Variants in ATP2C1 observed in about 807,000 individuals in gnomAD.
ATP2C1 encodes calcium-transporting ATPase type 2C member 1.
ATP2C1 carries 31 observed loss-of-function variants against 120.5 expected under a neutral mutation model. The ratio of observed to expected loss-of-function variants is 0.26; its 90% confidence interval spans 0.19 to 0.35. The LOEUF is 0.35. Among genes scored for constraint, ATP2C1 ranks in the 10% least tolerant of loss-of-function variants. The probability of loss-of-function intolerance (pLI) is 1.00; values close to 1 mark genes in which losing one functional copy is unlikely to be tolerated. For synonymous variants in ATP2C1, 351 were observed against 358.7 expected (o/e 0.98, Z 0.24); for missense variants, 731 against 1,107.5 (o/e 0.66, Z 4.83).
intron 16 of ATP2C1, among the ~76,000 whole-genome samples, chr3:130,968,757 G>T (rs2061162793): frequency 2.0e-5 from 3 of 152,104 alleles, no homozygotes; most frequent in African/African-American, 7.2e-5. Context: ...ATATTTGGAA[G>T]ATATTTTTTG....
At chr3:130,890,333 TCTTA>T (rs1354482612), upstream of ATP2C1, among the ~76,000 whole-genome samples, 1 of 152,212 alleles carries the variant, frequency 6.6e-6, no homozygotes, top group Non-Finnish European at 1.5e-5. Context: ...CTTACCTCTT[TCTTA>T]TTTTCACATG....
intron 1 of ATP2C1, among the ~76,000 whole-genome samples, chr3:130,862,098 C>T (rs924723073): frequency 2.6e-5 from 4 of 151,162 alleles, no homozygotes; most frequent in South Asian, 2.1e-4. Context: ...CTCAGCCTCC[C>T]GAGTAGCTGG....
At chr3:130,996,528 T>A (rs1303600003) in intron 23 of ATP2C1, 152 bp from the exon 24 acceptor site, 1 of 666,078 alleles carries the variant, frequency 1.5e-6, no homozygotes, top group East Asian at 2.6e-5. Flanking sequence ...CTCTTAGCTT[T>A]AAAATGTCCA....
intron 17 of ATP2C1, among the ~76,000 whole-genome samples, chr3:130,970,731 T>C (rs1470732226): frequency 6.6e-6 from 1 of 152,134 alleles, no homozygotes; most frequent in Non-Finnish European, 1.5e-5. Context: ...CAGGAATGAC[T>C]AGTTGGTTAT....
At chr3:130,874,827 G>C (rs1403220497) in intron 1 of ATP2C1, among the ~76,000 whole-genome samples, 1 of 152,184 alleles carries the variant, frequency 6.6e-6, no homozygotes, top group Non-Finnish European at 1.5e-5. Flanking sequence ...TCAGACTGCT[G>C]CATCTAATCC....
intron 2 of ATP2C1, among the ~76,000 whole-genome samples, chr3:130,906,140 G>GT (rs1372079370): frequency 6.6e-6 from 1 of 151,940 alleles, no homozygotes; most frequent in Non-Finnish European, 1.5e-5. Flanking sequence ...TAATTCAGTG[G>GT]TTTTTAGTAT....
At chr3:130,926,547 T>C (rs2059214990) in intron 2 of ATP2C1, among the ~76,000 whole-genome samples, 1 of 152,256 alleles carries the variant, frequency 6.6e-6, no homozygotes. Context: ...TATAAATATG[T>C]AGACAAAACT....
Position 130,864,914 on chromosome 3 carries a change from C to G in ATP2C1, c.108+13986C>G, listed in dbSNP as rs1017360505. The stretch of plus-strand genomic sequence containing the variant: ...GTGGAAGGGAAATGTGGAGTCAGAG[C>G]CCCCATACAGAGTCCCTACTGGGGC... On this transcript the variant is annotated intron_variant, in intron 1 of 26. Coordinates refer to the ATP2C1 transcript ENST00000504381. Among the ~76,000 whole-genome samples, 3 of 152,112 alleles carry G rather than the reference C, an allele frequency of 2.0e-5. No homozygotes were observed. In the South Asian group the frequency reaches 6.2e-4, roughly 32 times the overall value.
intron 1 of ATP2C1, among the ~76,000 whole-genome samples, chr3:130,888,532 G>C (rs986869162): frequency 1.3e-5 from 2 of 152,144 alleles, no homozygotes; most frequent in African/African-American, 4.8e-5. Flanking sequence ...TTCCCCTCTG[G>C]CTAGGTCTGG....
At chr3:130,925,367 G>A (rs2059158912) in intron 2 of ATP2C1, among the ~76,000 whole-genome samples, 1 of 152,164 alleles carries the variant, frequency 6.6e-6, no homozygotes, top group Non-Finnish European at 1.5e-5. Flanking sequence ...CCACCCAGTC[G>A]AGCTACCAGG....
chr3:130,978,890 A>T (rs888792142), intron 18 of ATP2C1, among the ~76,000 whole-genome samples: 3 of 152,210 alleles, frequency 2.0e-5, no homozygotes, highest in African/African-American at 7.2e-5. Flanking sequence ...TTAAAGCCTA[A>T]CAAACCCATA....
intron 27 of ATP2C1, among the ~76,000 whole-genome samples, chr3:131,000,173 A>G (rs1375648920): frequency 2.0e-5 from 3 of 152,256 alleles, no homozygotes; most frequent in Non-Finnish European, 2.9e-5. Context: ...TATTAAATGT[A>G]TAATACAGTG....
At chr3:130,961,012 A>C (rs939806368) in intron 12 of ATP2C1, among the ~76,000 whole-genome samples, 1 of 152,188 alleles carries the variant, frequency 6.6e-6, no homozygotes, top group African/African-American at 2.4e-5. Flanking sequence ...AAAGTCAAAT[A>C]GATTACAAGG....
Position 130,953,933 on chromosome 3 carries a change from A to AAAG in ATP2C1, c.644_645insAAG (p.Asn215delinsLysSer). ...AATGGAGATCTTGCATCGAGAAGTA[A>AAAG]CATTGCCTTTATGGGAACACTGGTC... On this transcript the variant is annotated protein_altering_variant, in exon 9 of 28. Transcript: ENST00000510168. 6.2e-7 allele frequency: 1 copy of AAAG among 1,614,108 alleles called. No homozygotes were observed. Among genetic ancestry groups the AAAG allele is most frequent in the South Asian group, 1.1e-5 (1 of 91,088 alleles).
intron 2 of ATP2C1, among the ~76,000 whole-genome samples, chr3:130,924,272 T>G (rs2059103690): frequency 6.6e-6 from 1 of 152,186 alleles, no homozygotes; most frequent in African/African-American, 2.4e-5. Context: ...GGTTTGGTAG[T>G]GGCAAATTCT....
chr3:130,936,887 G>T (rs1038413581), intron 5 of ATP2C1, among the ~76,000 whole-genome samples: 1 of 149,662 alleles, frequency 6.7e-6, no homozygotes, highest in Non-Finnish European at 1.5e-5. Flanking sequence ...CTTTTCCACC[G>T]TATCTGTATG....
Position 130,920,013 on chromosome 3 carries a change from C to T in ATP2C1, c.7-10403C>T, listed in dbSNP as rs574670238. Among the ~76,000 whole-genome samples the T allele has an allele frequency of 2.6e-5, 4 of 152,228 alleles. No homozygotes were observed. In the East Asian group the frequency reaches 7.7e-4, roughly 29 times the overall value. Reference sequence around the variant, plus strand: ...GTTTGGAGAAATGTCTGTTGATGTCCTTAGCACATTTTTAAGTTGAGTTAT... The same window carrying T: ...GTTTGGAGAAATGTCTGTTGATGTCTTTAGCACATTTTTAAGTTGAGTTAT... On this transcript the variant is annotated intron_variant, in intron 2 of 27. Coordinates refer to ENST00000510168, the MANE Select transcript of ATP2C1 (RefSeq NM_001378687.1).
chr3:130,911,547 G>A (rs1001611217), intron 2 of ATP2C1, among the ~76,000 whole-genome samples: 59 of 151,590 alleles, frequency 3.9e-4, no homozygotes, highest in Non-Finnish European at 8.8e-5. Flanking sequence ...ATGTTAGGGT[G>A]TCAATTTTGG....
chr3:130,882,684 C>T (rs2068823606), intron 1 of ATP2C1, among the ~76,000 whole-genome samples: 1 of 152,158 alleles, frequency 6.6e-6, no homozygotes, highest in African/African-American at 2.4e-5. Context: ...TTGAACCATC[C>T]TTGCATCCCA....
Sources: allele counts gnomAD v4.1 joint callset (sites outside exome capture counted in the v4.1 genomes callset), GRCh38; gene constraint gnomAD v4.1.1; transcripts MANE v1.5; gene names NCBI Gene and HGNC (gene_info 2026-07-23, HGNC 2026-07-21).